The following EIF3C variants were observed in gnomAD, a reference collection of about 807,000 sequenced individuals.
EIF3C encodes eukaryotic translation initiation factor 3 subunit C, also known as cell migration-inducing protein 17.
A neutral mutation model predicts 11.1 loss-of-function variants in EIF3C; 2 were observed. That is an observed-to-expected ratio of 0.18 (90% CI 0.07 to 0.57). EIF3C has a LOEUF of 0.57. EIF3C is among the 20% of genes least tolerant of loss of function. The pLI, the probability that EIF3C is intolerant of heterozygous loss-of-function variation, is 0.92. For missense variants in EIF3C, 16 were observed against 114.6 expected, an observed-to-expected ratio of 0.14 and a Z score of 3.93; for synonymous variants, 2 against 41.5, an observed-to-expected ratio of 0.05 and a Z score of 3.66.
chr16:28,704,169 C>A (rs564834489), intron 1 of EIF3C, among the ~76,000 whole-genome samples: 1 of 40,488 alleles, frequency 2.5e-5, no homozygotes, highest in African/African-American at 1.9e-4. Flanking sequence ...GCAGGAGAAT[C>A]GCTTAAACCC....
chr16:28,727,888 C>T (rs1216011030), intron 15 of EIF3C, among the ~76,000 whole-genome samples: 2 of 102,486 alleles, frequency 2.0e-5, no homozygotes, highest in Non-Finnish European at 4.5e-5. Flanking sequence ...CTCGCTCTGT[C>T]GCCAAGGCTG....
chr16:28,723,362 TGGGAGGACATAAA>T (rs2048360069), intron 9 of EIF3C, 39 bp downstream of exon 9: 1 of 1,613,122 alleles, frequency 6.2e-7, no homozygotes, highest in African/African-American at 1.3e-5. Context: ...GGGAACAGTT[TGGGAGGACATAAA>T]GGTCCCCTTG....
intron 15 of EIF3C, among the ~76,000 whole-genome samples, chr16:28,730,141 G>T (rs2048429609): frequency 7.3e-6 from 1 of 137,434 alleles, no homozygotes. Context: ...CAATTCTCCT[G>T]CCTCAGCCTC....
At chr16:28,692,726 C>CA (rs1248359905) in intron 1 of EIF3C, among the ~76,000 whole-genome samples, 3 of 139,154 alleles carry the variant, frequency 2.2e-5, no homozygotes, top group African/African-American at 5.6e-5. Context: ...TGCCACTGCA[C>CA]TCTAGTCTGG....
rs1464359865 is a variant in EIF3C, at chr16:28,718,600, T to G, written c.776+3166T>G. Among the ~76,000 whole-genome samples, 223 of 61,998 alleles carry G rather than the reference T, an allele frequency of 3.6e-3. 9 individuals carry two copies. The highest frequency in any genetic ancestry group is 0.024 in the African/African-American group (213 of 9,060). The allele number at this position is 61,998 out of a possible 152,430, so 40.7% of individuals were successfully genotyped here. On this transcript the variant is annotated intron_variant, in intron 8 of 20. Coordinates refer to ENST00000331666, the MANE Select transcript of EIF3C (RefSeq NM_003752.5). ...TGAGGTGTACATGACATACAATAAC[T>G]GCACTTGTTTAAAGTTTTTTTTTTT...
chr16:28,689,070 C>A (rs1236282710), intron 1 of EIF3C, among the ~76,000 whole-genome samples: 1 of 30,122 alleles, frequency 3.3e-5, no homozygotes, highest in Non-Finnish European at 5.4e-5. Context: ...GCCACCACAC[C>A]CAGCCAATTT....
chr16:28,728,353 C>T (rs2048401512), intron 15 of EIF3C, among the ~76,000 whole-genome samples: 1 of 11,226 alleles, frequency 8.9e-5, no homozygotes, highest in East Asian at 1.3e-3. Flanking sequence ...TGCCACCATG[C>T]CTGGCTAATT....
rs201692566 is a variant in EIF3C, at chr16:28,704,520, G to GC, written c.-30-7129dup. Among the ~76,000 whole-genome samples the GC allele has an allele frequency of 2.6e-3, 213 of 83,216 alleles. 14 individuals are homozygous for GC. Among genetic ancestry groups the GC allele is most frequent in the South Asian group, 7.1e-3 (14 of 1,972 alleles). 54.6% of individuals were successfully genotyped at this position (83,216 alleles called of 152,430 possible). On this transcript the variant is annotated intron_variant, in intron 1 of 20. Coordinates refer to the EIF3C transcript ENST00000566501. Reference sequence around the variant, plus strand: ...GAGACCAGCCTGGGAACATAGTGAGGCCCCCCCCGTCTCTACAAAAAACAA... The same window carrying GC: ...GAGACCAGCCTGGGAACATAGTGAGGCCCCCCCCCGTCTCTACAAAAAACAA...
At chr16:28,700,919 G>A in intron 1 of EIF3C, 1 of 167,192 alleles carries the variant, frequency 6.0e-6, no homozygotes, top group Non-Finnish European at 1.0e-5. Flanking sequence ...TTTTTTTTTT[G>A]AGACGGAGTC....
chr16:28,728,523 T>TGC (rs1484392394), intron 15 of EIF3C, among the ~76,000 whole-genome samples: 1 of 118,856 alleles, frequency 8.4e-6, no homozygotes, highest in South Asian at 2.5e-4. Flanking sequence ...CTTTTAGGGG[T>TGC]GTGTGTGTGT....
chr16:28,729,765 T>C (rs1286954625), intron 15 of EIF3C, among the ~76,000 whole-genome samples: 1 of 143,170 alleles, frequency 7.0e-6, no homozygotes, highest in Non-Finnish European at 1.5e-5. Flanking sequence ...CTATCTTCAT[T>C]GCTGTGCAAC....
intron 1 of EIF3C, among the ~76,000 whole-genome samples, chr16:28,696,827 C>CA: frequency 1.5e-5 from 1 of 68,628 alleles, no homozygotes; most frequent in African/African-American, 9.1e-5. Context: ...GCCTGGGCAA[C>CA]AGAGCAAGAC....
chr16:28,698,511 C>T (rs1477596068), intron 1 of EIF3C, among the ~76,000 whole-genome samples: 2 of 84,534 alleles, frequency 2.4e-5, no homozygotes, highest in Non-Finnish European at 4.1e-5. Context: ...CCGGATGGGG[C>T]GGCTGGCTGG....
Position 28,723,557 on chromosome 16 carries a change from AT to A in EIF3C, c.1040+8del, listed in dbSNP as rs1230125288. 1 of 1,564,410 alleles carries A rather than the reference AT, an allele frequency of 6.4e-7. No individual in the cohort carries two copies. The highest frequency in any genetic ancestry group is 8.8e-7 in the Non-Finnish European group (1 of 1,142,694). ...GGCAAGAAGGGAACTGATCGGTAAG[AT>A]TCGTGGGCCTGGGCAGTGGGATTGC... On this transcript the variant is annotated splice_region_variant and intron_variant, in intron 10 of 20. Coordinates refer to ENST00000331666, the MANE Select transcript of EIF3C (RefSeq NM_003752.5).
intron 1 of EIF3C, among the ~76,000 whole-genome samples, chr16:28,697,604 C>A (rs1269421572): frequency 1.6e-4 from 9 of 56,396 alleles, no homozygotes; most frequent in Admixed American, 1.6e-4. Flanking sequence ...TACACAGACA[C>A]GGCAACCATC....
In EIF3C at chr16:28,718,684, A is replaced by C. The variant is rs1296160574; in HGVS notation, c.776+3250A>C. ...CGCCCAGGCTGGAGTGCAGTGGCGC[A>C]ATCTCGGCTCACTGCAAGCTCCACC... On this transcript the variant is annotated intron_variant, in intron 8 of 20. Transcript: ENST00000331666. 2.2e-5 allele frequency among the ~76,000 whole-genome samples: 3 copies of C among 137,974 alleles called. No individual in the cohort carries two copies. In the East Asian group the frequency reaches 6.6e-4, roughly 31 times the overall value. 90.5% of individuals were successfully genotyped at this position (137,974 alleles called of 152,430 possible).
chr16:28,691,150 G>T lies in EIF3C; in HGVS notation c.-31+2322G>T, dbSNP rs896731954. ...AGATAGTGCCACTGCACTCCAGCCT[G>T]GGCAACAGAGCAAGACTCCGTCTCA... On this transcript the variant is annotated intron_variant, in intron 1 of 20. Coordinates refer to the EIF3C transcript ENST00000566501. Among the ~76,000 whole-genome samples the T allele has an allele frequency of 1.1e-4, 3 of 27,154 alleles. 1 individual carries two copies. The highest frequency in any genetic ancestry group is 2.1e-3 in the East Asian group (2 of 944). The allele number at this position is 27,154 out of a possible 152,430, so 17.8% of individuals were successfully genotyped here.
intron 1 of EIF3C, among the ~76,000 whole-genome samples, chr16:28,698,218 C>A (rs1200644208): frequency 1.6e-5 from 2 of 126,712 alleles, no homozygotes; most frequent in African/African-American, 3.0e-5. Flanking sequence ...AGAGGCGCCC[C>A]TCACCTCCCG....
In EIF3C at chr16:28,699,449, G is replaced by A. The variant is rs28408653; in HGVS notation, c.-31+10621G>A. Among the ~76,000 whole-genome samples the A allele has an allele frequency of 1.8e-4, 18 of 98,966 alleles. 3 individuals carry two copies. Among genetic ancestry groups the A allele is most frequent in the African/African-American group, 6.0e-4 (12 of 19,918 alleles). 64.9% of individuals were successfully genotyped at this position (98,966 alleles called of 152,430 possible). A position where few individuals can be genotyped will look rare whatever the true frequency, so the allele number is the denominator to read the frequency against. On this transcript the variant is annotated intron_variant, in intron 1 of 20. Transcript: ENST00000566501. ...TTCGGCTCCGCATGAGAGGGAGACCGTGGGGAGAGGGAGACGGAGACGGAG... is the reference window on the plus strand; with the variant it reads ...TTCGGCTCCGCATGAGAGGGAGACCATGGGGAGAGGGAGACGGAGACGGAG...
Sources: allele counts gnomAD v4.1 joint callset (sites outside exome capture counted in the v4.1 genomes callset), GRCh38; gene constraint gnomAD v4.1.1; transcripts MANE v1.5; gene names NCBI Gene and HGNC (gene_info 2026-07-23, HGNC 2026-07-21).